The following CNTNAP5 variants were observed in gnomAD, a reference collection of about 807,000 sequenced individuals.
CNTNAP5 encodes the protein contactin associated protein family member 5.
A neutral mutation model predicts 150.2 loss-of-function variants in CNTNAP5; 72 were observed. That is an observed-to-expected ratio of 0.48 (90% confidence interval 0.40 to 0.58). The LOEUF is 0.58. Ranked by LOEUF, CNTNAP5 falls within the 20% of genes least tolerant of loss-of-function variation. The pLI is 0.00. For synonymous variants in CNTNAP5, 672 were observed against 619.8 expected, an observed-to-expected ratio of 1.08 and a Z score of -1.25; for missense variants, 1,636 against 1,626.2, an observed-to-expected ratio of 1.01 and a Z score of -0.10.
chr2:124,558,432 T>TTCGGTATGGGTACACAAAGTTTGG (rs11273535), intron 10 of CNTNAP5, among the ~76,000 whole-genome samples: 2 of 151,912 alleles, frequency 1.3e-5, no homozygotes, highest in Non-Finnish European at 2.9e-5. Context: ...GATTGGAAAG[T>TTCGGTATGGGTACACAAAGTTTGG]AATATCTATT....
chr2:124,773,105 G>T (rs1681242383), intron 17 of CNTNAP5, 88 bp downstream of exon 17: 2 of 941,938 alleles, frequency 2.1e-6, no homozygotes, highest in Non-Finnish European at 3.4e-6. Context: ...TTTTATCTGA[G>T]ATCTGGGATA....
chr2:124,486,005 T>C (rs1005741549), intron 7 of CNTNAP5, among the ~76,000 whole-genome samples: 6 of 152,184 alleles, frequency 3.9e-5, no homozygotes, highest in African/African-American at 1.4e-4. Flanking sequence ...CACTTGGACT[T>C]GCATGTTTAT....
At chr2:124,113,506 ATGTGTGTGTG>A (rs138877401) in intron 1 of CNTNAP5, among the ~76,000 whole-genome samples, 4 of 142,794 alleles carry the variant, frequency 2.8e-5, no homozygotes, top group Non-Finnish European at 4.6e-5. Context: ...ATACATATAT[ATGTGTGTGTG>A]TGTGTGTGTG....
At chr2:124,500,375 C>G (rs1410616252) in intron 7 of CNTNAP5, among the ~76,000 whole-genome samples, 1 of 152,048 alleles carries the variant, frequency 6.6e-6, no homozygotes, top group Non-Finnish European at 1.5e-5. Context: ...AGATTGGGCT[C>G]AGCTCTGAAT....
intron 14 of CNTNAP5, 84 bp from the exon 15 acceptor site, chr2:124,763,588 A>G (rs1681003234): frequency 7.2e-7 from 1 of 1,382,600 alleles, no homozygotes; most frequent in South Asian, 1.3e-5. Context: ...TGGCCAAATC[A>G]CTTCTGAAAA....
chr2:124,100,433 A>G (rs1683037025), intron 1 of CNTNAP5, among the ~76,000 whole-genome samples: 1 of 151,850 alleles, frequency 6.6e-6, no homozygotes, highest in African/African-American at 2.4e-5. Context: ...AAATAAAGTA[A>G]TATACTCAAA....
chr2:124,244,205 G>A (rs75027723), intron 3 of CNTNAP5, among the ~76,000 whole-genome samples: 3,539 of 152,166 alleles, frequency 0.023, 135 homozygotes, highest in African/African-American at 0.078. Flanking sequence ...TGAGCAGGGG[G>A]CACAAAGCCT....
chr2:124,530,596 C>A (rs1273974166), intron 10 of CNTNAP5, among the ~76,000 whole-genome samples: 1 of 152,198 alleles, frequency 6.6e-6, no homozygotes, highest in Non-Finnish European at 1.5e-5. Flanking sequence ...CTTCTGGCTC[C>A]TGGGAGGAAA....
intron 1 of CNTNAP5, among the ~76,000 whole-genome samples, chr2:124,037,487 G>A (rs941197715): frequency 6.6e-6 from 1 of 150,396 alleles, no homozygotes; most frequent in Admixed American, 6.6e-5. Context: ...AAACACAACA[G>A]AATCTAGTCA....
chr2:124,723,719 G>C (rs1558751003), intron 13 of CNTNAP5, among the ~76,000 whole-genome samples: 1 of 152,134 alleles, frequency 6.6e-6, no homozygotes, highest in African/African-American at 2.4e-5. Flanking sequence ...CCACCTTCTT[G>C]ATATGTCCCC....
intron 13 of CNTNAP5, among the ~76,000 whole-genome samples, chr2:124,720,272 G>A (rs186820593): frequency 3.3e-5 from 5 of 152,200 alleles, no homozygotes; most frequent in Admixed American, 3.3e-4. Flanking sequence ...TTTATTAGTT[G>A]TTTTCGGTAT....
intron 10 of CNTNAP5, among the ~76,000 whole-genome samples, chr2:124,531,449 C>T (rs1461164601): frequency 6.6e-6 from 1 of 152,096 alleles, no homozygotes; most frequent in African/African-American, 2.4e-5. Flanking sequence ...AAGTCACTTT[C>T]AATAAGGCTT....
intron 6 of CNTNAP5, among the ~76,000 whole-genome samples, chr2:124,450,556 C>T (rs1252536366): frequency 1.5e-5 from 1 of 65,010 alleles, no homozygotes; most frequent in Non-Finnish European, 2.8e-5. Flanking sequence ...AATCTGCTGT[C>T]AAAAAAAAAA....
intron 3 of CNTNAP5, among the ~76,000 whole-genome samples, chr2:124,350,947 C>T (rs1038778141): frequency 1.3e-4 from 19 of 151,696 alleles, no homozygotes; most frequent in Admixed American, 1.2e-3. Flanking sequence ...AGGCTCCTGC[C>T]CTGCACATCA....
intron 3 of CNTNAP5, among the ~76,000 whole-genome samples, chr2:124,347,181 T>C (rs113831924): frequency 3.9e-4 from 60 of 152,324 alleles, no homozygotes; most frequent in South Asian, 1.0e-3. Flanking sequence ...ACAGTGGCAA[T>C]AGGAAACTAA....
chr2:124,083,640 TTC>T (rs1166313076), intron 1 of CNTNAP5, among the ~76,000 whole-genome samples: 1 of 152,068 alleles, frequency 6.6e-6, no homozygotes, highest in East Asian at 1.9e-4. Flanking sequence ...TATTTCCAAG[TTC>T]TCTTTCTTTT....
intron 3 of CNTNAP5, among the ~76,000 whole-genome samples, chr2:124,259,449 G>A (rs1687397382): frequency 6.6e-6 from 1 of 152,148 alleles, no homozygotes; most frequent in Admixed American, 6.6e-5. Context: ...TTCCACAATG[G>A]TTGAAGTAGT....
chr2:124,588,190 T>TTC (rs1222837279), intron 11 of CNTNAP5, among the ~76,000 whole-genome samples: 1 of 97,508 alleles, frequency 1.0e-5, no homozygotes, highest in African/African-American at 3.5e-5. Flanking sequence ...CTTTCTTTCT[T>TTC]TCTTTCTTTC....
At position 124,042,421 on chromosome 2, in the gene CNTNAP5, C is replaced by A. The variant is rs986084488; in HGVS notation, c.82+16689C>A. ...TTTTGCTGAAATCATATTTATTATACTTTTCATTATTTGGAGGAGTAATGG... is the reference window on the plus strand; with the variant it reads ...TTTTGCTGAAATCATATTTATTATAATTTTCATTATTTGGAGGAGTAATGG... On this transcript the variant is annotated intron_variant, in intron 1 of 23. Transcript: ENST00000682447. Among the ~76,000 whole-genome samples the A allele has an allele frequency of 3.3e-5, 5 of 152,088 alleles. No homozygotes were observed. The South Asian group carries it at 1.0e-3, about 32-fold the overall frequency.
Sources: gnomAD v4.1 joint callset for allele counts (sites outside exome capture counted in the v4.1 genomes callset) on GRCh38, gnomAD v4.1.1 for gene constraint, MANE v1.5 for transcripts, NCBI Gene and HGNC (gene_info 2026-07-23, HGNC 2026-07-21) for gene names.